The following SEC14L1 variants were observed in gnomAD, a reference collection of about 807,000 sequenced individuals.
The protein encoded by SEC14L1 is SEC14-like protein 1.
In SEC14L1, 48 loss-of-function variants were observed where a neutral mutation model predicts 85.3. That is an observed-to-expected ratio of 0.56 (90% confidence interval 0.45 to 0.72). The LOEUF is 0.72. SEC14L1 is among the 30% of genes least tolerant of loss of function. SEC14L1 has a pLI of 0.00. For missense variants in SEC14L1, 682 were observed against 921.4 expected (o/e 0.74, Z 3.36); for synonymous variants, 391 against 355.5 (o/e 1.10, Z -1.12).
chr17:77,102,311 T>C (rs1363968345), intron 3 of SEC14L1, among the ~76,000 whole-genome samples: 2 of 152,134 alleles, frequency 1.3e-5, no homozygotes, highest in Non-Finnish European at 2.9e-5. Context: ...AAAACAGTTA[T>C]CTTCCTTGAT....
At chr17:77,142,004 G>C (rs1481193540) in intron 1 of SEC14L1, among the ~76,000 whole-genome samples, 1 of 152,176 alleles carries the variant, frequency 6.6e-6, no homozygotes, top group African/African-American at 2.4e-5. Context: ...TATTAGAAAA[G>C]CTTCAAGTTG....
chr17:77,122,521 T>C (rs1972327351), intron 3 of SEC14L1, among the ~76,000 whole-genome samples: 1 of 152,194 alleles, frequency 6.6e-6, no homozygotes, highest in Non-Finnish European at 1.5e-5. Flanking sequence ...AGGCTGGTCT[T>C]GAACTCTTGG....
chr17:77,141,281 G>A (rs1239138067), intron 1 of SEC14L1, 174 bp downstream of exon 1: 1 of 17,398 alleles, frequency 5.7e-5, no homozygotes, highest in Admixed American at 5.8e-4. Context: ...CCGTGCCCCC[G>A]CCCCCCTGCT....
intron 3 of SEC14L1, among the ~76,000 whole-genome samples, chr17:77,117,635 C>G (rs1183433556): frequency 6.6e-6 from 1 of 152,120 alleles, no homozygotes; most frequent in Admixed American, 6.6e-5. Context: ...TCAAGAAAAC[C>G]CAGCCCTACT....
chr17:77,149,350 G>A (rs559516157), intron 3 of SEC14L1, among the ~76,000 whole-genome samples: 151 of 152,154 alleles, frequency 9.9e-4, no homozygotes, highest in Non-Finnish European at 2.0e-3. Flanking sequence ...TTGTTCACAC[G>A]AACTGTGAGG....
rs1976920730 is a variant in SEC14L1, at chr17:77,214,123, C to G, written c.*100C>G. 1 of 1,509,038 alleles carries G rather than the reference C, an allele frequency of 6.6e-7. No homozygotes were observed. 93.5% of individuals were successfully genotyped at this position (1,509,038 alleles called of 1,614,324 possible). ...CAGCGGCGACATTGTACAGACTCCT[C>G]TCACCTCTAGATAGCAAATAGCTCT... On this transcript the variant is annotated 3_prime_UTR_variant, in exon 17 of 17. Transcript: ENST00000436233.
At chr17:77,210,260 C>G (rs1337888994) in intron 14 of SEC14L1, 2 of 152,166 alleles carry the variant, frequency 1.3e-5, no homozygotes, top group African/African-American at 4.8e-5. Flanking sequence ...TTTGCTGTCA[C>G]TTTTGGTAGA....
rs8076422 is a variant in SEC14L1 at position 77,124,268 on chromosome 17, G to C, written c.-135-18378G>C. On this transcript the variant is annotated intron_variant, in intron 3 of 19. Coordinates refer to the SEC14L1 transcript ENST00000392476. ...AGTCTCAGCTACTTGGGGGGCTGAGGGGGGAGGATCATTTGCGCCCAGGAG... is the reference window on the plus strand; with the variant it reads ...AGTCTCAGCTACTTGGGGGGCTGAGCGGGGAGGATCATTTGCGCCCAGGAG... 3.7e-3 allele frequency among the ~76,000 whole-genome samples: 568 copies of C among 152,326 alleles called. 6 individuals are homozygous for C. The highest frequency in any genetic ancestry group is 0.012 in the African/African-American group (506 of 41,558).
chr17:77,209,838 G>A (rs563945363), intron 14 of SEC14L1: 2 of 170,278 alleles, frequency 1.2e-5, no homozygotes, highest in South Asian at 1.5e-4. Flanking sequence ...AGTTTCATGT[G>A]CTACTTTTTC....
intron 3 of SEC14L1, among the ~76,000 whole-genome samples, chr17:77,164,190 C>A (rs1333275373): frequency 6.6e-6 from 1 of 152,224 alleles, no homozygotes; most frequent in Admixed American, 6.5e-5. Flanking sequence ...TGGGCTGACC[C>A]GGTACCGTGC....
rs1356636713 is a variant in SEC14L1, at chr17:77,214,149, C to G, written c.*126C>G. On this transcript the variant is annotated 3_prime_UTR_variant, in exon 17 of 17. Transcript: ENST00000436233. ...TCACCTCTAGATAGCAAATAGCTCT[C>G]AGATGGTAAACGTAGTCGTTTGATC... 4 of 1,455,528 alleles carry G rather than the reference C, an allele frequency of 2.7e-6. No individual in the cohort carries two copies. In the African/African-American group the frequency reaches 4.3e-5, roughly 16 times the overall value. The allele number at this position is 1,455,528 out of a possible 1,614,324, so 90.2% of individuals were successfully genotyped here. A position where few individuals can be genotyped will look rare whatever the true frequency, so the allele number is the denominator to read the frequency against.
At chr17:77,108,735 T>C (rs1971977630) in intron 3 of SEC14L1, among the ~76,000 whole-genome samples, 1 of 143,856 alleles carries the variant, frequency 7.0e-6, no homozygotes, top group Non-Finnish European at 1.5e-5. Flanking sequence ...CCAGGCTCTG[T>C]CTCAAAAAAA....
chr17:77,191,953 C>T (rs529932522), intron 5 of SEC14L1, among the ~76,000 whole-genome samples: 31 of 152,010 alleles, frequency 2.0e-4, no homozygotes, highest in Admixed American at 3.3e-4. Context: ...CTCGCCACCA[C>T]GCCCGGCTAA....
chr17:77,141,728 G>A (rs1973058109), intron 1 of SEC14L1: 1 of 152,222 alleles, frequency 6.6e-6, no homozygotes, highest in Admixed American at 6.5e-5. Context: ...TTAAGTGAGT[G>A]TAGCCAGTTC....
intron 15 of SEC14L1, 116 bp downstream of exon 15, chr17:77,212,317 C>G: frequency 7.0e-7 from 1 of 1,435,820 alleles, no homozygotes; most frequent in Non-Finnish European, 9.4e-7. Flanking sequence ...TTTTGAGGCC[C>G]TGCTTGTGGA....
At chr17:77,123,868 A>G (rs1226282284) in intron 3 of SEC14L1, among the ~76,000 whole-genome samples, 2 of 152,196 alleles carry the variant, frequency 1.3e-5, no homozygotes, top group Non-Finnish European at 2.9e-5. Flanking sequence ...AGCGAAACGG[A>G]TGCCATGTAG....
At chr17:77,096,109 C>T (rs1265163839) in intron 3 of SEC14L1, among the ~76,000 whole-genome samples, 1 of 148,394 alleles carries the variant, frequency 6.7e-6, no homozygotes, top group Non-Finnish European at 1.5e-5. Flanking sequence ...CTTGCCCAGA[C>T]TGGTCTTGAA....
At chr17:77,129,577 G>T (rs977847353) in intron 3 of SEC14L1, among the ~76,000 whole-genome samples, 6 of 152,108 alleles carry the variant, frequency 3.9e-5, no homozygotes, top group African/African-American at 1.4e-4. Flanking sequence ...CAGGAGATTT[G>T]GGGGTCTGAA....
At chr17:77,182,751 A>T (rs1302205236) in intron 3 of SEC14L1, among the ~76,000 whole-genome samples, 1 of 152,204 alleles carries the variant, frequency 6.6e-6, no homozygotes, top group Non-Finnish European at 1.5e-5. Context: ...TGAACCTGGG[A>T]GAGTTGAAAA....
Sources: gnomAD v4.1 joint callset for allele counts (sites outside exome capture counted in the v4.1 genomes callset) on GRCh38, gnomAD v4.1.1 for gene constraint, MANE v1.5 for transcripts, NCBI Gene and HGNC (gene_info 2026-07-23, HGNC 2026-07-21) for gene names.